FN3KRP: variants seen among roughly 807,000 people sequenced by gnomAD.
FN3KRP encodes fructosamine 3 kinase related protein, also known as ketosamine-3-kinase.
FN3KRP carries 33 observed loss-of-function variants against 29.8 expected under a neutral mutation model. The observed-to-expected ratio is 1.11, with a 90% CI of 0.84 to 1.48. FN3KRP has a LOEUF of 1.48. FN3KRP is among the 40% of genes most tolerant of loss of function. The probability of loss-of-function intolerance (pLI) is 0.00; values close to 1 mark genes in which losing one functional copy is unlikely to be tolerated. For missense variants in FN3KRP, 430 were observed against 402.6 expected (o/e 1.07, Z -0.58); for synonymous variants, 157 against 155.2 (o/e 1.01, Z -0.09).
In FN3KRP at chr17:82,727,288, G is replaced by A; in HGVS notation, c.*117G>A. On this transcript the variant is annotated 3_prime_UTR_variant, in exon 6 of 6. Transcript: ENST00000269373. The stretch of plus-strand genomic sequence containing the variant: ...GACCAATGCAGTAGCTTATTTCCAA[G>A]CCTTGCAAAGTATATAATATCTAAG... 4.4e-6 allele frequency: 4 copies of A among 905,644 alleles called. No homozygotes were observed. Among genetic ancestry groups the A allele is most frequent in the South Asian group, 3.4e-5 (2 of 59,128 alleles). 56.1% of individuals were successfully genotyped at this position (905,644 alleles called of 1,614,324 possible). A position where few individuals can be genotyped will look rare whatever the true frequency, so the allele number is the denominator to read the frequency against.
chr17:82,720,514 C>T (rs2143609570), intron 3 of FN3KRP, 151 bp downstream of exon 3: 10 of 599,154 alleles, frequency 1.7e-5, no homozygotes, highest in South Asian at 1.4e-4. Context: ...CCGCATCTCA[C>T]GGTGCACTGA....
At position 82,718,938 on chromosome 17, in the gene FN3KRP, T is replaced by C. The variant is rs1233162563; in HGVS notation, c.174T>C (p.Ser58=). Residue 58 remains serine (S), a synonymous_variant, in exon 2 of 6, where the codon AGT becomes AGC. Transcript: ENST00000269373. ...ARRMFEGEMA[S]LTAILKTNTV... ...GAATGTTTGAAGGTGAGATGGCAAG[T>C]TTAACTGCCATCCTGAAAACAAACA... The C allele has an allele frequency of 2.5e-6, 4 of 1,614,014 alleles. No homozygotes were observed. The highest frequency in any genetic ancestry group is 3.4e-6 in the Non-Finnish European group (4 of 1,179,992).
intron 1 of FN3KRP, among the ~76,000 whole-genome samples, chr17:82,717,953 G>A (rs553688229): frequency 1.2e-3 from 181 of 152,210 alleles, no homozygotes; most frequent in African/African-American, 4.2e-3. Flanking sequence ...GTGTGTGTAA[G>A]GGTGGAGCCC....
At chr17:82,718,488 G>A (rs1251443181) in intron 1 of FN3KRP, 6 of 990,904 alleles carry the variant, frequency 6.1e-6, no homozygotes, top group Admixed American at 5.9e-5. Flanking sequence ...CCAGGGTGCC[G>A]CCTGCACCTG....
intron 3 of FN3KRP, chr17:82,720,866 G>A (rs2046793759): frequency 6.5e-6 from 1 of 153,464 alleles, no homozygotes; most frequent in Non-Finnish European, 1.5e-5. Flanking sequence ...ATTTGCTGAT[G>A]ATCGGAACAG....
intron 4 of FN3KRP, among the ~76,000 whole-genome samples, chr17:82,725,167 GCC>G (rs2046828424): frequency 6.6e-6 from 1 of 151,468 alleles, no homozygotes; most frequent in Admixed American, 6.6e-5. Flanking sequence ...TCTCTCTGTT[GCC>G]CAGGCTGGAG....
chr17:82,719,142 A>T, intron 2 of FN3KRP, 85 bp downstream of exon 2: 1 of 1,259,886 alleles, frequency 7.9e-7, no homozygotes. Context: ...GTGTCTTCAC[A>T]CCACCCACTG....
Position 82,716,816 on chromosome 17 carries a change from G to C in FN3KRP, c.61G>C (p.Gly21Arg), listed in dbSNP as rs765305815. Residue 21 changes from glycine (G) to arginine (R), a missense_variant, in exon 1 of 6, where the codon GGG becomes CGG. Transcript: ENST00000269373. ...CTCTGTCAGGGCCACGGGCCACTCG[G>C]GGGGCGGGTGCATCAGCCAGGGCCG... ...CSSVRATGHSGGGCISQGRSY... is the reference protein window; with the variant it reads ...CSSVRATGHSRGGCISQGRSY... The C allele has an allele frequency of 1.3e-5, 20 of 1,554,534 alleles. No individual in the cohort carries two copies. The East Asian group carries it at 2.9e-4, about 23-fold the overall frequency.
At chr17:82,720,114 C>T (rs537455401) in intron 2 of FN3KRP, 158 bp from the exon 3 acceptor site, 26 of 517,360 alleles carry the variant, frequency 5.0e-5, no homozygotes, top group African/African-American at 2.6e-4. Flanking sequence ...TGCAGTGAGC[C>T]GAGATCGTGC....
At position 82,722,769 on chromosome 17, in the gene FN3KRP, G is replaced by A. The variant is rs187091105; in HGVS notation, c.386-35G>A. 259 of 1,605,116 alleles carry A rather than the reference G, an allele frequency of 1.6e-4. 1 individual carries two copies. The African/African-American group carries it at 3.3e-3, about 21-fold the overall frequency. On this transcript the variant is annotated intron_variant, in intron 3 of 5. Coordinates refer to ENST00000269373, the MANE Select transcript of FN3KRP (RefSeq NM_024619.4). ...CGAGAGTGGGCGCTGGGATCCCTTG[G>A]AACTAATTTCCTTTCTTTTACTTTT... is the stretch of plus-strand genomic sequence containing the variant.
rs539671230 is a variant in FN3KRP at position 82,720,416 on chromosome 17, C to T, written c.385+53C>T. The T allele has an allele frequency of 3.3e-4, 481 of 1,464,552 alleles. 1 individual carries two copies. The highest frequency in any genetic ancestry group is 4.2e-4 in the Non-Finnish European group (441 of 1,057,806). The allele number at this position is 1,464,552 out of a possible 1,614,324, so 90.7% of individuals were successfully genotyped here. Reference sequence around the variant, plus strand: ...TCCCGCCTAGAGGAGGACGTTCAGCCGGTGTGGGCTCAGAGCGGGGGCCGT... The same window carrying T: ...TCCCGCCTAGAGGAGGACGTTCAGCTGGTGTGGGCTCAGAGCGGGGGCCGT... On this transcript the variant is annotated intron_variant, in intron 3 of 5. Transcript: ENST00000269373.
intron 4 of FN3KRP, among the ~76,000 whole-genome samples, chr17:82,724,584 A>G (rs2046823845): frequency 6.6e-6 from 1 of 151,612 alleles, no homozygotes; most frequent in African/African-American, 2.4e-5. Flanking sequence ...AGCCTGGGTG[A>G]CAAGAGTGAA....
chr17:82,725,041 G>C (rs2143618400), intron 4 of FN3KRP, among the ~76,000 whole-genome samples: 1 of 151,894 alleles, frequency 6.6e-6, no homozygotes, highest in Non-Finnish European at 1.5e-5. Context: ...TCAATCTCCT[G>C]GCCTTGTGAT....
rs542966466 is a variant in FN3KRP at position 82,718,184 on chromosome 17, GTGT to G, written c.142-720_142-718del. The stretch of plus-strand genomic sequence containing the variant: ...GTGTGTCTGTATATGTTGTGTGTGT[GTGT>G]TATGTGTCTGTGTGTGTAAGGGTGG... On this transcript the variant is annotated intron_variant, in intron 1 of 5. Transcript: ENST00000269373. 3.5e-4 allele frequency among the ~76,000 whole-genome samples: 52 copies of G among 148,586 alleles called. No individual in the cohort carries two copies. The East Asian group carries it at 4.2e-3, about 12-fold the overall frequency.
At chr17:82,722,457 C>T (rs1368425129) in intron 3 of FN3KRP, among the ~76,000 whole-genome samples, 1 of 152,252 alleles carries the variant, frequency 6.6e-6, no homozygotes, top group Non-Finnish European at 1.5e-5. Context: ...TGGTCTTCCC[C>T]CACACCCCCG....
chr17:82,722,454 C>T (rs2046804650), intron 3 of FN3KRP, among the ~76,000 whole-genome samples: 3 of 152,336 alleles, frequency 2.0e-5, no homozygotes, highest in East Asian at 1.9e-4. Context: ...GTGTGGTCTT[C>T]CCCCACACCC....
chr17:82,716,815 G>C lies in FN3KRP; in HGVS notation c.60G>C (p.Ser20=), dbSNP rs200977511. 71 of 1,553,182 alleles carry C rather than the reference G, an allele frequency of 4.6e-5. No individual in the cohort carries two copies. The highest frequency in any genetic ancestry group is 6.1e-5 in the Non-Finnish European group (70 of 1,155,758). ...GCTCTGTCAGGGCCACGGGCCACTC[G>C]GGGGGCGGGTGCATCAGCCAGGGCC... ...GCSSVRATGH[S]GGGCISQGRS... Residue 20 remains serine, a synonymous_variant, in exon 1 of 6, where the codon TCG becomes TCC. Transcript: ENST00000269373.
At chr17:82,720,199 C>A in intron 2 of FN3KRP, 73 bp from the exon 3 acceptor site, 2 of 1,244,830 alleles carry the variant, frequency 1.6e-6, no homozygotes, top group Non-Finnish European at 2.3e-6. Context: ...TCTTTATGTG[C>A]CCTGAGACTG....
chr17:82,720,913 T>C (rs2046794095), intron 3 of FN3KRP: 1 of 152,914 alleles, frequency 6.5e-6, no homozygotes, highest in Admixed American at 6.5e-5. Context: ...GGAGACATGC[T>C]GTTAGTCTGT....
Sources: gnomAD v4.1 joint callset for allele counts (sites outside exome capture counted in the v4.1 genomes callset) on GRCh38, gnomAD v4.1.1 for gene constraint, MANE v1.5 for transcripts, NCBI Gene and HGNC (gene_info 2026-07-23, HGNC 2026-07-21) for gene names.